Variants in MSH3 observed in about 807,000 individuals in gnomAD.
MSH3 encodes the protein DNA mismatch repair protein Msh3.
MSH3 carries 106 observed loss-of-function variants against 123.3 expected under a neutral mutation model. The ratio of observed to expected loss-of-function variants is 0.86; its 90% CI spans 0.73 to 1.01. The LOEUF is 1.01. Ranked by LOEUF, MSH3 falls within the 50% of genes least tolerant of loss-of-function variation. The pLI, the probability that MSH3 is intolerant of heterozygous loss-of-function variation, is 0.00. For synonymous variants in MSH3, 515 were observed against 481.4 expected, an observed-to-expected ratio of 1.07 and a Z score of -0.91; for missense variants, 1,459 against 1,347.6, an observed-to-expected ratio of 1.08 and a Z score of -1.29.
intron 17 of MSH3, among the ~76,000 whole-genome samples, chr5:80,785,715 A>G (rs976462108): frequency 1.3e-5 from 2 of 152,184 alleles, no homozygotes; most frequent in Non-Finnish European, 1.5e-5. Flanking sequence ...GGCATTATTC[A>G]CAATAGCAAA....
At chr5:80,710,751 G>A (rs995950303) in intron 8 of MSH3, among the ~76,000 whole-genome samples, 1 of 152,028 alleles carries the variant, frequency 6.6e-6, no homozygotes, top group African/African-American at 2.4e-5. Flanking sequence ...AAAGGATAGG[G>A]GTTTTAAAAT....
At chr5:80,662,040 T>C (rs1439413244) in intron 2 of MSH3, among the ~76,000 whole-genome samples, 1 of 152,224 alleles carries the variant, frequency 6.6e-6, no homozygotes, top group East Asian at 1.9e-4. Flanking sequence ...CACAGCCATA[T>C]GCTACCTAAT....
At chr5:80,783,915 A>G (rs1280598915) in intron 17 of MSH3, among the ~76,000 whole-genome samples, 2 of 152,152 alleles carry the variant, frequency 1.3e-5, no homozygotes, top group South Asian at 4.1e-4. Flanking sequence ...GGTCAGATCT[A>G]AAGTCAGAGC....
chr5:80,658,384 A>T (rs1437597755), intron 2 of MSH3, among the ~76,000 whole-genome samples: 1 of 152,174 alleles, frequency 6.6e-6, no homozygotes, highest in East Asian at 1.9e-4. Flanking sequence ...ATAGAGGAAG[A>T]AGTGGGTGAT....
chr5:80,768,410 A>C lies in MSH3; in HGVS notation c.2084+290A>C, dbSNP rs1312793096. ...CAAGCATTAGTAGTTTATTAACCCC[A>C]AAATGAGTGTCAGATATCTTGTACT... On this transcript the variant is annotated intron_variant, in intron 14 of 23. Transcript: ENST00000265081. 3.9e-5 allele frequency among the ~76,000 whole-genome samples: 6 copies of C among 152,248 alleles called. No individual in the cohort carries two copies. In the South Asian group the frequency reaches 1.0e-3, roughly 26 times the overall value.
chr5:80,659,284 T>A (rs765989840), intron 2 of MSH3, among the ~76,000 whole-genome samples: 1 of 151,682 alleles, frequency 6.6e-6, no homozygotes, highest in African/African-American at 2.4e-5. Flanking sequence ...CCATTTAGCA[T>A]GCACAATTCG....
intron 8 of MSH3, among the ~76,000 whole-genome samples, chr5:80,718,134 G>A (rs1162504996): frequency 6.6e-6 from 1 of 152,150 alleles, no homozygotes; most frequent in African/African-American, 2.4e-5. Context: ...AGCTCTCTCT[G>A]CCTCCTCACT....
At chr5:80,679,150 A>C in intron 8 of MSH3, 57 bp downstream of exon 8, 1 of 1,535,058 alleles carries the variant, frequency 6.5e-7, no homozygotes, top group South Asian at 1.1e-5. Flanking sequence ...GTTTAGTTCC[A>C]AAACTGATAC....
rs113574286 is a variant in MSH3, at chr5:80,713,181, G to A, written c.1341-12272G>A. ...TTGTTCACAGTTGAACATTAGTTCA[G>A]AGTCTCTGTTGGTGGTCTGTTATTT... On this transcript the variant is annotated intron_variant, in intron 8 of 23. Coordinates refer to ENST00000265081, the MANE Select transcript of MSH3 (RefSeq NM_002439.5). Among the ~76,000 whole-genome samples the A allele has an allele frequency of 1.7e-3, 261 of 152,284 alleles. 1 individual carries two copies. Among genetic ancestry groups the A allele is most frequent in the African/African-American group, 6.0e-3 (251 of 41,560 alleles).
At chr5:80,837,558 A>G (rs563292395) in intron 20 of MSH3, among the ~76,000 whole-genome samples, 6 of 149,228 alleles carry the variant, frequency 4.0e-5, no homozygotes, top group African/African-American at 1.5e-4. Flanking sequence ...AGCCTGCGTA[A>G]CAGAGCCAGA....
At chr5:80,816,214 T>G (rs1745100294) in intron 20 of MSH3, among the ~76,000 whole-genome samples, 1 of 152,140 alleles carries the variant, frequency 6.6e-6, no homozygotes, top group Non-Finnish European at 1.5e-5. Context: ...AACCAAATAA[T>G]CACATACAGA....
At position 80,654,792 on chromosome 5, in the gene MSH3, C is replaced by T. The variant is rs1749190564; in HGVS notation, c.65C>T (p.Ala22Val). The change falls in exon 1 of 24, where the codon GCG becomes GTG. Residue 22 changes from alanine to valine, a missense_variant. By Grantham distance (64) the Ala-to-Val change is moderately conservative (BLOSUM62 0). Transcript: ENST00000265081. ...TCCAGCTCAGCCCCTGCGAGGCAAGCGGTTTTGAGCCGATTCTTCCAGTCT... is the reference window on the plus strand; with the variant it reads ...TCCAGCTCAGCCCCTGCGAGGCAAGTGGTTTTGAGCCGATTCTTCCAGTCT... ...AASSSAPARQ[A>V]VLSRFFQSTG... The T allele has an allele frequency of 1.2e-6, 2 of 1,606,932 alleles. No individual in the cohort carries two copies. The highest frequency in any genetic ancestry group is 2.3e-5 in the East Asian group (1 of 43,608).
chr5:80,804,838 C>A (rs1464098470), intron 19 of MSH3, among the ~76,000 whole-genome samples: 1 of 152,028 alleles, frequency 6.6e-6, no homozygotes, highest in Non-Finnish European at 1.5e-5. Context: ...GCAAATCCAG[C>A]CTGAAGGGCT....
intron 9 of MSH3, among the ~76,000 whole-genome samples, chr5:80,726,044 T>G (rs1266696508): frequency 6.6e-6 from 1 of 152,220 alleles, no homozygotes; most frequent in Non-Finnish European, 1.5e-5. Flanking sequence ...AAGACTAGCA[T>G]TTTGAAAGGT....
intron 8 of MSH3, among the ~76,000 whole-genome samples, chr5:80,703,984 G>A (rs1378677963): frequency 6.6e-6 from 1 of 152,152 alleles, no homozygotes; most frequent in Non-Finnish European, 1.5e-5. Context: ...GCCAGCTGTA[G>A]TATGTCCTGC....
At chr5:80,734,580 T>A (rs1048603983) in intron 10 of MSH3, among the ~76,000 whole-genome samples, 1 of 152,234 alleles carries the variant, frequency 6.6e-6, no homozygotes, top group African/African-American at 2.4e-5. Context: ...CTGAGGCTTA[T>A]AACCAATGCC....
chr5:80,724,990 G>A lies in MSH3; in HGVS notation c.1341-463G>A, dbSNP rs533014184. Among the ~76,000 whole-genome samples the A allele has an allele frequency of 1.7e-3, 258 of 152,072 alleles. 2 individuals are homozygous for A. Among genetic ancestry groups the A allele is most frequent in the African/African-American group, 5.8e-3 (242 of 41,522 alleles). On this transcript the variant is annotated intron_variant, in intron 8 of 23. Coordinates refer to ENST00000265081, the MANE Select transcript of MSH3 (RefSeq NM_002439.5). ...AGCACTTTGGGAGGCCGAGGTGGGC[G>A]GATCACAATGTCAGGAGATCGAGAC...
At position 80,844,842 on chromosome 5, in the gene MSH3, G is replaced by C. The variant is rs546993025; in HGVS notation, c.2814-9288G>C. On this transcript the variant is annotated intron_variant, in intron 20 of 23. Coordinates refer to ENST00000265081, the MANE Select transcript of MSH3 (RefSeq NM_002439.5). Reference sequence around the variant, plus strand: ...TGAATACAGCACACTGATGGGTGTTGACTCTTTCTCCAATTTGCCAGTCTG... The same window carrying C: ...TGAATACAGCACACTGATGGGTGTTCACTCTTTCTCCAATTTGCCAGTCTG... Among the ~76,000 whole-genome samples, 5 of 152,196 alleles carry C rather than the reference G, an allele frequency of 3.3e-5. No homozygotes were observed. The East Asian group carries it at 9.6e-4, about 29-fold the overall frequency.
At chr5:80,840,524 G>C (rs1393040805) in intron 20 of MSH3, among the ~76,000 whole-genome samples, 1 of 151,674 alleles carries the variant, frequency 6.6e-6, no homozygotes, top group Non-Finnish European at 1.5e-5. Flanking sequence ...AGCAATTCTC[G>C]TGCCTCAACC....
Sources: gnomAD v4.1 joint callset for allele counts (sites outside exome capture counted in the v4.1 genomes callset) on GRCh38, gnomAD v4.1.1 for gene constraint, MANE v1.5 for transcripts, NCBI Gene and HGNC (gene_info 2026-07-23, HGNC 2026-07-21) for gene names.